IKZF2: variants seen among roughly 807,000 people sequenced by gnomAD.
IKZF2 encodes the protein IKAROS family zinc finger 2.
IKZF2 carries 15 observed loss-of-function variants against 49.2 expected under a neutral mutation model. The ratio of observed to expected loss-of-function variants is 0.30; its 90% CI spans 0.20 to 0.47. The LOEUF (loss-of-function observed/expected upper bound fraction) is 0.47, where lower values mean the gene tolerates loss of function less well. Ranked by LOEUF, IKZF2 falls within the 20% of genes least tolerant of loss-of-function variation. The pLI is 1.00. For synonymous variants in IKZF2, 227 were observed against 221.4 expected (o/e 1.03, Z -0.23); for missense variants, 567 against 664.6 (o/e 0.85, Z 1.61).
chr2:213,052,440 T>C lies in IKZF2; in HGVS notation c.407-2560A>G, dbSNP rs1700761525. Among the ~76,000 whole-genome samples, 3 of 152,092 alleles carry C rather than the reference T, an allele frequency of 2.0e-5. No homozygotes were observed. The South Asian group carries it at 6.2e-4, about 31-fold the overall frequency. On this transcript the variant is annotated intron_variant, in intron 5 of 8. Coordinates refer to ENST00000434687, the MANE Select transcript of IKZF2 (RefSeq NM_001387220.1). ...CTTTGGGAGATATTGATTTGAATTA[T>C]GAATAAGTCTTGATAGATGCTTTTT...
intron 4 of IKZF2, among the ~76,000 whole-genome samples, chr2:213,084,585 T>A (rs1007462239): frequency 4.5e-5 from 6 of 132,152 alleles, no homozygotes; most frequent in African/African-American, 1.8e-4. Context: ...AATGTATCTA[T>A]GTCACTCTAA....
rs867655235 is a variant in IKZF2, at chr2:213,055,541, A to T, written c.406+1292T>A. Among the ~76,000 whole-genome samples, 7 of 152,226 alleles carry T rather than the reference A, an allele frequency of 4.6e-5. No homozygotes were observed. In the South Asian group the frequency reaches 1.5e-3, roughly 32 times the overall value. On this transcript the variant is annotated intron_variant, in intron 5 of 8. Coordinates refer to ENST00000434687, the MANE Select transcript of IKZF2 (RefSeq NM_001387220.1). ...AAAGCTGATGATTTTGATTATGATA[A>T]CACTGATTTTAATGTATAACTTCTC...
intron 4 of IKZF2, among the ~76,000 whole-genome samples, chr2:213,122,606 G>C (rs1253003070): frequency 2.0e-5 from 3 of 152,206 alleles, no homozygotes; most frequent in Non-Finnish European, 4.4e-5. Context: ...TGGCAGACCA[G>C]AAAAGTACTA....
intron 6 of IKZF2, among the ~76,000 whole-genome samples, chr2:213,039,376 G>C (rs1331933175): frequency 6.6e-6 from 1 of 151,950 alleles, no homozygotes; most frequent in Non-Finnish European, 1.5e-5. Context: ...TACTAAAAAT[G>C]TTTTTTAGTT....
At chr2:213,144,983 C>T (rs528551142) in intron 4 of IKZF2, among the ~76,000 whole-genome samples, 7 of 151,782 alleles carry the variant, frequency 4.6e-5, no homozygotes, top group Admixed American at 1.3e-4. Flanking sequence ...ATAATGATAG[C>T]TGCCGTCATT....
chr2:213,052,252 T>C (rs1700739956), intron 5 of IKZF2, among the ~76,000 whole-genome samples: 1 of 152,012 alleles, frequency 6.6e-6, no homozygotes, highest in African/African-American at 2.4e-5. Flanking sequence ...TATTGTCCTG[T>C]TGCTGAGTGT....
chr2:213,148,900 C>A (rs2061173105), intron 2 of IKZF2, among the ~76,000 whole-genome samples: 5 of 152,186 alleles, frequency 3.3e-5, no homozygotes, highest in Admixed American at 3.3e-4. Context: ...GGGAATGACT[C>A]TCTTAATCAA....
chr2:213,056,215 C>T (rs538633842), intron 5 of IKZF2, among the ~76,000 whole-genome samples: 1 of 150,564 alleles, frequency 6.6e-6, no homozygotes, highest in East Asian at 1.9e-4. Flanking sequence ...CTCACTCTAT[C>T]CCAGAATTAC....
intron 6 of IKZF2, among the ~76,000 whole-genome samples, chr2:213,046,926 T>C (rs986442080): frequency 2.0e-5 from 3 of 152,086 alleles, no homozygotes; most frequent in Non-Finnish European, 2.9e-5. Flanking sequence ...TTCAATTACA[T>C]GGACTTCCTC....
intron 6 of IKZF2, among the ~76,000 whole-genome samples, chr2:213,043,026 C>G (rs1304279929): frequency 6.6e-6 from 1 of 152,036 alleles, no homozygotes; most frequent in East Asian, 1.9e-4. Context: ...ACAGTGTCTA[C>G]TGTCTAGGGA....
intron 4 of IKZF2, among the ~76,000 whole-genome samples, chr2:213,073,531 T>C (rs1280671132): frequency 2.0e-5 from 3 of 152,224 alleles, no homozygotes; most frequent in Non-Finnish European, 4.4e-5. Context: ...TTCAAATGTT[T>C]AATAGCATGT....
chr2:213,125,069 C>T (rs1173509521), intron 4 of IKZF2, among the ~76,000 whole-genome samples: 5 of 152,176 alleles, frequency 3.3e-5, no homozygotes, highest in African/African-American at 9.7e-5. Context: ...AACCCCTGAA[C>T]TTCATTGAAC....
At chr2:213,076,156 A>G (rs1052050073) in intron 4 of IKZF2, among the ~76,000 whole-genome samples, 2 of 152,170 alleles carry the variant, frequency 1.3e-5, no homozygotes, top group African/African-American at 2.4e-5. Context: ...AAGTGAACGG[A>G]AGTAAACTTC....
chr2:213,036,037 G>T (rs1483715561), intron 6 of IKZF2, among the ~76,000 whole-genome samples: 1 of 152,030 alleles, frequency 6.6e-6, no homozygotes, highest in African/African-American at 2.4e-5. Context: ...AATTTTTAAA[G>T]TACTCTCACA....
intron 6 of IKZF2, among the ~76,000 whole-genome samples, chr2:213,048,989 G>A (rs1460706786): frequency 1.3e-5 from 2 of 152,028 alleles, no homozygotes; most frequent in Admixed American, 6.6e-5. Flanking sequence ...TCTTGGTTAT[G>A]AAAATTTATG....
chr2:213,018,708 C>T (rs1696875888), intron 7 of IKZF2, among the ~76,000 whole-genome samples: 1 of 152,170 alleles, frequency 6.6e-6, no homozygotes. Context: ...AATTCAGAAG[C>T]TTCATTTCCT....
intron 4 of IKZF2, among the ~76,000 whole-genome samples, chr2:213,137,619 A>G (rs2060723591): frequency 6.6e-6 from 1 of 152,130 alleles, no homozygotes; most frequent in South Asian, 2.1e-4. Context: ...ATGTATTGAA[A>G]ATAAAGTCAT....
At chr2:213,044,166 G>A (rs755172601) in intron 6 of IKZF2, among the ~76,000 whole-genome samples, 9 of 152,270 alleles carry the variant, frequency 5.9e-5, no homozygotes, top group Non-Finnish European at 1.0e-4. Context: ...TTCTTCTACC[G>A]AAGGTCAGTG....
chr2:213,123,016 C>A (rs1418251867), intron 4 of IKZF2, among the ~76,000 whole-genome samples: 1 of 152,106 alleles, frequency 6.6e-6, no homozygotes, highest in East Asian at 1.9e-4. Context: ...AACAGTAAAT[C>A]CAATAAAGGC....
Sources: gnomAD v4.1 joint callset for allele counts (sites outside exome capture counted in the v4.1 genomes callset) on GRCh38, gnomAD v4.1.1 for gene constraint, MANE v1.5 for transcripts, NCBI Gene and HGNC (gene_info 2026-07-23, HGNC 2026-07-21) for gene names.